Variants in MRAS observed in about 807,000 individuals in gnomAD.
MRAS encodes the protein muscle RAS oncogene homolog.
Under a neutral mutation model 20.9 loss-of-function variants are expected in MRAS, and 4 were observed. The observed-to-expected ratio is 0.19, with a 90% confidence interval of 0.09 to 0.44. The LOEUF is 0.44. Ranked by LOEUF, MRAS falls within the 20% of genes least tolerant of loss-of-function variation. The probability of loss-of-function intolerance (pLI) is 0.99; values close to 1 mark genes in which losing one functional copy is unlikely to be tolerated. For synonymous variants in MRAS, 98 were observed against 102.9 expected (o/e 0.95, Z 0.29); for missense variants, 154 against 277.5 (o/e 0.56, Z 3.16).
chr3:138,363,543 G>A (rs1347998796), intron 1 of MRAS, among the ~76,000 whole-genome samples: 1 of 152,084 alleles, frequency 6.6e-6, no homozygotes, highest in Non-Finnish European at 1.5e-5. Flanking sequence ...AATACACACT[G>A]TGAGCCCCAC....
At chr3:138,378,756 T>C (rs2054837922) in intron 2 of MRAS, among the ~76,000 whole-genome samples, 1 of 152,188 alleles carries the variant, frequency 6.6e-6, no homozygotes, top group Admixed American at 6.5e-5. Context: ...GTTACCATCT[T>C]AACCATCTCT....
chr3:138,353,708 C>T (rs946411076), intron 1 of MRAS, among the ~76,000 whole-genome samples: 2 of 152,218 alleles, frequency 1.3e-5, no homozygotes, highest in Admixed American at 6.5e-5. Context: ...TCCATCTCTC[C>T]ATCCATCTTT....
chr3:138,404,927 C>G lies in MRAS; in HGVS notation c.*2658C>G, dbSNP rs888670991. ...GAGAATAGTGCTACCCTCACATCCCCTGGAGCACAGCCTTCCTGAAATGCC... is the reference window on the plus strand; with the variant it reads ...GAGAATAGTGCTACCCTCACATCCCGTGGAGCACAGCCTTCCTGAAATGCC... On this transcript the variant is annotated 3_prime_UTR_variant, in exon 6 of 6. Coordinates refer to ENST00000423968, the MANE Select transcript of MRAS (RefSeq NM_001085049.3). The G allele has an allele frequency of 3.9e-5, 6 of 152,256 alleles. No homozygotes were observed. The highest frequency in any genetic ancestry group is 1.4e-4 in the African/African-American group (6 of 41,454). 9.4% of individuals were successfully genotyped at this position (152,256 alleles called of 1,614,324 possible).
chr3:138,378,182 G>C (rs1297145158), intron 2 of MRAS, among the ~76,000 whole-genome samples: 1 of 152,192 alleles, frequency 6.6e-6, no homozygotes, highest in African/African-American at 2.4e-5. Context: ...CAGGTGCTCC[G>C]GTTGTGATCT....
Position 138,363,819 on chromosome 3 carries a change from ACC to A in MRAS, c.-18-9033_-18-9032del, listed in dbSNP as rs62977360. ...TGTCATGTGACCTGTTAGAGGATTTACCCCCCCCCCCCCCCAAACCACAGGGT... is the reference window on the plus strand; with the variant it reads ...TGTCATGTGACCTGTTAGAGGATTTACCCCCCCCCCCCCAAACCACAGGGT... On this transcript the variant is annotated intron_variant, in intron 1 of 5. Coordinates refer to ENST00000423968, the MANE Select transcript of MRAS (RefSeq NM_001085049.3). 7.8e-3 allele frequency among the ~76,000 whole-genome samples: 256 copies of A among 32,898 alleles called. 6 individuals are homozygous for A. Among genetic ancestry groups the A allele is most frequent in the South Asian group, 0.034 (19 of 558 alleles). 21.6% of individuals were successfully genotyped at this position (32,898 alleles called of 152,430 possible).
At chr3:138,364,643 A>G (rs1305151032) in intron 1 of MRAS, among the ~76,000 whole-genome samples, 7 of 152,218 alleles carry the variant, frequency 4.6e-5, no homozygotes, top group Admixed American at 1.3e-4. Flanking sequence ...GGTCCCAAAC[A>G]GAGGTGCTAG....
chr3:138,351,865 A>C (rs990972637), intron 1 of MRAS, among the ~76,000 whole-genome samples: 4 of 152,186 alleles, frequency 2.6e-5, no homozygotes, highest in Admixed American at 1.3e-4. Context: ...TTGATGTACA[A>C]AGTTGGACAT....
chr3:138,348,900 C>G (rs1030855854), intron 1 of MRAS, 133 bp downstream of exon 1: 1 of 152,058 alleles, frequency 6.6e-6, no homozygotes, highest in East Asian at 1.9e-4. Context: ...GCGGGGTGCG[C>G]CCTGGGACCG....
chr3:138,364,876 C>G (rs1234633122), intron 1 of MRAS, among the ~76,000 whole-genome samples: 2 of 152,246 alleles, frequency 1.3e-5, no homozygotes, highest in African/African-American at 2.4e-5. Context: ...GGGCAGCAGT[C>G]TGACCTTGGG....
At chr3:138,376,865 A>G (rs913138125) in intron 2 of MRAS, among the ~76,000 whole-genome samples, 1 of 152,250 alleles carries the variant, frequency 6.6e-6, no homozygotes, top group East Asian at 1.9e-4. Flanking sequence ...ACTATGTTCC[A>G]TAGAGAACAT....
chr3:138,395,629 A>C (rs1185320563), intron 2 of MRAS, among the ~76,000 whole-genome samples: 3 of 152,064 alleles, frequency 2.0e-5, no homozygotes, highest in Admixed American at 2.0e-4. Context: ...CCCTACCCAA[A>C]ATGACACCAA....
At chr3:138,359,313 T>C (rs751357) in intron 1 of MRAS, among the ~76,000 whole-genome samples, 98,886 of 152,088 alleles carry the variant, frequency 0.65, 32,240 homozygotes, top group Admixed American at 0.75. Flanking sequence ...GGCCAGTCCT[T>C]CTTCCTCCGC....
chr3:138,402,138 C>T (rs373140259), intron 5 of MRAS, 32 bp from the exon 6 acceptor site: 2 of 1,603,144 alleles, frequency 1.2e-6, no homozygotes, highest in African/African-American at 2.7e-5. Flanking sequence ...CCCATTCTGA[C>T]TTTGTCTTTC....
intron 1 of MRAS, among the ~76,000 whole-genome samples, chr3:138,353,890 G>A (rs2054277310): frequency 6.6e-6 from 1 of 152,264 alleles, no homozygotes; most frequent in Admixed American, 6.5e-5. Flanking sequence ...AGCAGAGTCA[G>A]AAAGGAATCT....
chr3:138,376,552 G>A (rs975113405), intron 2 of MRAS, among the ~76,000 whole-genome samples: 4 of 152,154 alleles, frequency 2.6e-5, no homozygotes, highest in African/African-American at 9.7e-5. Context: ...AACAATATAT[G>A]TGTAGTGAAA....
At chr3:138,351,864 A>C (rs762564355) in intron 1 of MRAS, among the ~76,000 whole-genome samples, 2 of 152,214 alleles carry the variant, frequency 1.3e-5, no homozygotes, top group Non-Finnish European at 2.9e-5. Flanking sequence ...GTTGATGTAC[A>C]AAGTTGGACA....
At chr3:138,395,457 C>T (rs569251577) in intron 2 of MRAS, among the ~76,000 whole-genome samples, 94 of 152,252 alleles carry the variant, frequency 6.2e-4, no homozygotes, top group African/African-American at 1.4e-3. Flanking sequence ...ATCCTTCACA[C>T]GCCCTTCACT....
At chr3:138,362,880 C>A (rs554618644) in intron 1 of MRAS, among the ~76,000 whole-genome samples, 198 of 152,268 alleles carry the variant, frequency 1.3e-3, no homozygotes, top group Middle Eastern at 6.8e-3. Flanking sequence ...CCCCCGACAC[C>A]CATCGCCCCT....
intron 1 of MRAS, among the ~76,000 whole-genome samples, chr3:138,357,110 A>G (rs893068034): frequency 1.3e-5 from 2 of 152,252 alleles, no homozygotes; most frequent in Non-Finnish European, 1.5e-5. Context: ...CAAAATAACC[A>G]TTCTAATAGA....
Sources: allele counts gnomAD v4.1 joint callset (sites outside exome capture counted in the v4.1 genomes callset), GRCh38; gene constraint gnomAD v4.1.1; transcripts MANE v1.5; gene names NCBI Gene and HGNC (gene_info 2026-07-23, HGNC 2026-07-21).